The following ADARB2 variants were observed in gnomAD, a reference collection of about 807,000 sequenced individuals.
ADARB2 encodes the protein inactive double-stranded RNA-specific editase B2.
A neutral mutation model predicts 62.2 loss-of-function variants in ADARB2; 25 were observed. The observed-to-expected ratio is 0.40, with a 90% CI of 0.29 to 0.56. The LOEUF is 0.56. ADARB2 is among the 20% of genes least tolerant of loss of function. The pLI, the probability that ADARB2 is intolerant of heterozygous loss-of-function variation, is 0.43. For missense variants in ADARB2, 1,071 were observed against 1,077.4 expected, an observed-to-expected ratio of 0.99 and a Z score of 0.08; for synonymous variants, 572 against 500.8, an observed-to-expected ratio of 1.14 and a Z score of -1.90.
At chr10:1,557,122 T>A (rs1205223655) in intron 1 of ADARB2, 3 of 336,604 alleles carry the variant, frequency 8.9e-6, no homozygotes, top group African/African-American at 2.3e-5. Context: ...GTTTCAGGTG[T>A]CCAGTCCATG....
At chr10:1,520,311 G>C (rs1323266284) in intron 1 of ADARB2, among the ~76,000 whole-genome samples, 3 of 152,146 alleles carry the variant, frequency 2.0e-5, no homozygotes, top group Non-Finnish European at 4.4e-5. Flanking sequence ...GTCTATGTAT[G>C]TATGTGTATA....
chr10:1,204,417 C>G (rs1356097036), intron 7 of ADARB2, among the ~76,000 whole-genome samples: 1 of 152,242 alleles, frequency 6.6e-6, no homozygotes, highest in African/African-American at 2.4e-5. Context: ...AATGGGAAAT[C>G]ACCTGAGTGC....
intron 1 of ADARB2, among the ~76,000 whole-genome samples, chr10:1,660,019 C>T (rs1050417478): frequency 4.6e-5 from 7 of 151,096 alleles, no homozygotes; most frequent in Admixed American, 2.6e-4. Flanking sequence ...TGTGAGACCC[C>T]GGGGCAGGGG....
At chr10:1,203,006 A>G (rs1299528245) in intron 7 of ADARB2, among the ~76,000 whole-genome samples, 1 of 152,188 alleles carries the variant, frequency 6.6e-6, no homozygotes, top group Non-Finnish European at 1.5e-5. Context: ...GCTACCAGAG[A>G]TTAAACTTAC....
intron 1 of ADARB2, among the ~76,000 whole-genome samples, chr10:1,463,964 G>C (rs934557799): frequency 1.3e-5 from 2 of 152,222 alleles, no homozygotes; most frequent in South Asian, 2.1e-4. Flanking sequence ...AAGCGCAAAC[G>C]CAAACCCCCA....
At chr10:1,620,349 G>A (rs1453116710) in intron 1 of ADARB2, among the ~76,000 whole-genome samples, 2 of 152,100 alleles carry the variant, frequency 1.3e-5, no homozygotes, top group East Asian at 3.8e-4. Context: ...CACATGTTAT[G>A]GGCAACTTTA....
Position 1,289,755 on chromosome 10 carries a change from C to T in ADARB2, c.1078-18686G>A, listed in dbSNP as rs185621270. ...CAAGACAGCCCACAGGATCCAGCCC[C>T]TGGGGGGACCGCCCGACCTTCACTC... On this transcript the variant is annotated intron_variant, in intron 3 of 9. Coordinates refer to ENST00000381312, the MANE Select transcript of ADARB2 (RefSeq NM_018702.4). Among the ~76,000 whole-genome samples, 676 of 152,382 alleles carry T rather than the reference C, an allele frequency of 4.4e-3. 12 individuals are homozygous for T. The highest frequency in any genetic ancestry group is 0.015 in the African/African-American group (605 of 41,596).
chr10:1,464,163 G>C (rs1831214868), intron 1 of ADARB2, among the ~76,000 whole-genome samples: 2 of 148,850 alleles, frequency 1.3e-5, no homozygotes, highest in Admixed American at 1.3e-4. Context: ...GCGGGGGGCA[G>C]TCACAGCGGG....
chr10:1,686,940 G>A (rs1463679294), intron 1 of ADARB2, among the ~76,000 whole-genome samples: 1 of 150,836 alleles, frequency 6.6e-6, no homozygotes, highest in East Asian at 1.9e-4. Flanking sequence ...TTTTTAACAC[G>A]TTATTTGTAT....
chr10:1,555,807 C>T lies in ADARB2; in HGVS notation c.101-176647G>A, dbSNP rs186647555. 1.7e-3 allele frequency among the ~76,000 whole-genome samples: 254 copies of T among 152,202 alleles called. 1 individual carries two copies. The highest frequency in any genetic ancestry group is 5.8e-3 in the African/African-American group (241 of 41,518). On this transcript the variant is annotated intron_variant, in intron 1 of 9. Transcript: ENST00000381312. ...AAAATTAGCCAGGTGTGATGGCGTG[C>T]GCCTGTAACCCCAGCTACTCGGCAG...
intron 1 of ADARB2, among the ~76,000 whole-genome samples, chr10:1,716,524 T>C (rs1366189756): frequency 6.6e-6 from 1 of 152,232 alleles, no homozygotes; most frequent in African/African-American, 2.4e-5. Context: ...GAGGCATTAA[T>C]GTATCATTCC....
At chr10:1,380,383 G>T (rs1453193017) in intron 1 of ADARB2, among the ~76,000 whole-genome samples, 3 of 152,244 alleles carry the variant, frequency 2.0e-5, no homozygotes, top group Non-Finnish European at 4.4e-5. Context: ...CCGCGGACGG[G>T]ATTTCCCAGG....
At chr10:1,226,986 C>T (rs1311692204) in intron 6 of ADARB2, among the ~76,000 whole-genome samples, 1 of 152,238 alleles carries the variant, frequency 6.6e-6, no homozygotes, top group Non-Finnish European at 1.5e-5. Flanking sequence ...TTTGTCTGTT[C>T]CCTGCCCCCA....
intron 3 of ADARB2, among the ~76,000 whole-genome samples, chr10:1,272,004 T>G (rs1219153625): frequency 6.6e-6 from 1 of 152,240 alleles, no homozygotes; most frequent in Non-Finnish European, 1.5e-5. Context: ...TTCGTAAGGA[T>G]TAAATGCAAT....
intron 5 of ADARB2, 26 bp downstream of exon 5, chr10:1,242,093 GCGTCCGCCTTCC>G: frequency 6.4e-7 from 1 of 1,555,562 alleles, no homozygotes; most frequent in South Asian, 1.2e-5. Flanking sequence ...CCCAGCCGCG[GCGTCCGCCTTCC>G]CTGGAGCCCG....
At chr10:1,336,764 C>A (rs1017256518) in intron 3 of ADARB2, among the ~76,000 whole-genome samples, 3 of 152,146 alleles carry the variant, frequency 2.0e-5, no homozygotes, top group Admixed American at 1.3e-4. Flanking sequence ...CTCCCTGTGT[C>A]AGGTGAAGTT....
intron 1 of ADARB2, among the ~76,000 whole-genome samples, chr10:1,546,431 C>A (rs1348061501): frequency 6.6e-6 from 1 of 152,220 alleles, no homozygotes; most frequent in African/African-American, 2.4e-5. Context: ...AAAATTACCA[C>A]CTGCAACTCG....
intron 3 of ADARB2, among the ~76,000 whole-genome samples, chr10:1,299,009 T>G (rs1308343554): frequency 6.6e-6 from 1 of 152,042 alleles, no homozygotes; most frequent in African/African-American, 2.4e-5. Flanking sequence ...CCTCCCAAAC[T>G]GCTGGGATGA....
intron 1 of ADARB2, among the ~76,000 whole-genome samples, chr10:1,563,332 C>T (rs991314685): frequency 1.3e-5 from 2 of 152,184 alleles, no homozygotes; most frequent in South Asian, 2.1e-4. Flanking sequence ...TCTCCCACAC[C>T]CTTTAGATCT....
Sources: allele counts gnomAD v4.1 joint callset (sites outside exome capture counted in the v4.1 genomes callset), GRCh38; gene constraint gnomAD v4.1.1; transcripts MANE v1.5; gene names NCBI Gene and HGNC (gene_info 2026-07-23, HGNC 2026-07-21).